EHBP1: variants seen among roughly 807,000 people sequenced by gnomAD.
The protein encoded by EHBP1 is EH domain binding protein 1, also known as EH domain-binding protein 1.
A neutral mutation model predicts 144.0 loss-of-function variants in EHBP1; 55 were observed. That is an observed-to-expected ratio of 0.38 (90% CI 0.31 to 0.48). EHBP1 has a LOEUF of 0.48. EHBP1 is among the 20% of genes least tolerant of loss of function. The pLI is 0.98. For synonymous variants in EHBP1, 469 were observed against 472.7 expected (o/e 0.99, Z 0.10); for missense variants, 1,200 against 1,364.2 (o/e 0.88, Z 1.90).
chr2:62,910,496 G>A (rs1402191099), intron 10 of EHBP1, among the ~76,000 whole-genome samples: 1 of 151,818 alleles, frequency 6.6e-6, no homozygotes, highest in African/African-American at 2.4e-5. Context: ...CTTCCTTTCT[G>A]GCAGGTGTTG....
intron 20 of EHBP1, 118 bp from the exon 21 acceptor site, chr2:63,038,625 C>G (rs1225446454): frequency 9.6e-6 from 8 of 837,338 alleles, no homozygotes; most frequent in African/African-American, 1.7e-5. Context: ...TTTGGAGTGG[C>G]TTAAACTTAA....
chr2:62,742,341 C>T (rs1018147362), intron 2 of EHBP1, among the ~76,000 whole-genome samples: 1 of 152,002 alleles, frequency 6.6e-6, no homozygotes. Flanking sequence ...TGTTGGGGCT[C>T]CTGGAACCAA....
At chr2:62,851,062 A>G (rs1221534214) in intron 7 of EHBP1, among the ~76,000 whole-genome samples, 1 of 152,188 alleles carries the variant, frequency 6.6e-6, no homozygotes, top group Non-Finnish European at 1.5e-5. Context: ...CAAATTAATC[A>G]TCAAATCTTC....
chr2:62,866,985 A>G (rs1014512673), intron 9 of EHBP1, among the ~76,000 whole-genome samples: 2 of 152,168 alleles, frequency 1.3e-5, no homozygotes, highest in African/African-American at 4.8e-5. Flanking sequence ...GACTGAAGGA[A>G]AAGTATAACA....
chr2:62,909,444 A>G (rs1399450013), intron 10 of EHBP1, among the ~76,000 whole-genome samples: 1 of 152,174 alleles, frequency 6.6e-6, no homozygotes, highest in Non-Finnish European at 1.5e-5. Flanking sequence ...TGGCCTTCCA[A>G]AGTGCTGGGA....
At chr2:62,873,071 T>C (rs1160819375) in intron 9 of EHBP1, among the ~76,000 whole-genome samples, 2 of 152,172 alleles carry the variant, frequency 1.3e-5, no homozygotes, top group Non-Finnish European at 2.9e-5. Context: ...AATGCAAGTG[T>C]TAAACGCTCT....
chr2:62,813,148 C>T (rs749601940), intron 5 of EHBP1, among the ~76,000 whole-genome samples: 3 of 152,186 alleles, frequency 2.0e-5, no homozygotes, highest in Non-Finnish European at 4.4e-5. Context: ...CCCAGGGCCA[C>T]CTCAGTATTC....
At chr2:62,804,386 C>T (rs2044282301) in intron 5 of EHBP1, among the ~76,000 whole-genome samples, 1 of 152,158 alleles carries the variant, frequency 6.6e-6, no homozygotes, top group Admixed American at 6.5e-5. Context: ...GTAAATGGTA[C>T]TGGGACTATT....
intron 19 of EHBP1, among the ~76,000 whole-genome samples, chr2:63,003,096 G>A (rs2059911341): frequency 6.6e-6 from 1 of 151,838 alleles, no homozygotes. Context: ...TTATAAGTTT[G>A]GTAAGATATA....
intron 6 of EHBP1, among the ~76,000 whole-genome samples, chr2:62,827,691 A>G (rs1302706744): frequency 2.0e-5 from 3 of 151,406 alleles, no homozygotes; most frequent in Admixed American, 6.6e-5. Flanking sequence ...TTTTTGAGAC[A>G]GAGTCTCGCT....
chr2:62,938,007 C>G (rs2056495999), intron 10 of EHBP1, among the ~76,000 whole-genome samples: 1 of 151,956 alleles, frequency 6.6e-6, no homozygotes, highest in Non-Finnish European at 1.5e-5. Flanking sequence ...AAAAACCTTA[C>G]AAAATATGAG....
At chr2:62,894,254 G>T (rs1254975826) in intron 10 of EHBP1, among the ~76,000 whole-genome samples, 1 of 152,164 alleles carries the variant, frequency 6.6e-6, no homozygotes, top group East Asian at 1.9e-4. Context: ...TAAACAAAAA[G>T]TATGGTACAT....
At chr2:62,756,494 C>T (rs920332212) in intron 3 of EHBP1, among the ~76,000 whole-genome samples, 1 of 152,046 alleles carries the variant, frequency 6.6e-6, no homozygotes. Flanking sequence ...TTAGGCTGCG[C>T]GTGTTGGCTC....
At chr2:62,858,282 C>T in intron 7 of EHBP1, 1 of 578,576 alleles carries the variant, frequency 1.7e-6, no homozygotes. Flanking sequence ...ATAACATCCA[C>T]CGAATGTATT....
intron 10 of EHBP1, among the ~76,000 whole-genome samples, chr2:62,882,071 G>T (rs940718409): frequency 6.6e-6 from 1 of 152,190 alleles, no homozygotes; most frequent in African/African-American, 2.4e-5. Flanking sequence ...TTGAAGTTCA[G>T]TAGTTTCTTT....
At chr2:62,826,472 G>A (rs28472563) in intron 6 of EHBP1, 16 of 434,584 alleles carry the variant, frequency 3.7e-5, no homozygotes, top group African/African-American at 1.8e-4. Flanking sequence ...TAATATAAAC[G>A]TGAGCACAGC....
At chr2:62,809,338 T>C (rs1424973144) in intron 5 of EHBP1, among the ~76,000 whole-genome samples, 3 of 145,640 alleles carry the variant, frequency 2.1e-5, no homozygotes, top group African/African-American at 7.7e-5. Context: ...AGTACCCTTG[T>C]GTTTTAAAAT....
intron 5 of EHBP1, among the ~76,000 whole-genome samples, chr2:62,804,157 G>C (rs2044263966): frequency 6.6e-6 from 1 of 152,124 alleles, no homozygotes; most frequent in Admixed American, 6.6e-5. Flanking sequence ...AAATAGTTTG[G>C]CACAATTTTA....
intron 6 of EHBP1, among the ~76,000 whole-genome samples, chr2:62,830,133 C>CAT (rs145432325): frequency 0.04 from 5,266 of 131,910 alleles, 137 homozygotes; most frequent in South Asian, 0.068. Context: ...ATATGTGGTG[C>CAT]ATATATATAT....
Sources: allele counts gnomAD v4.1 joint callset (sites outside exome capture counted in the v4.1 genomes callset), GRCh38; gene constraint gnomAD v4.1.1; transcripts MANE v1.5; gene names NCBI Gene and HGNC (gene_info 2026-07-23, HGNC 2026-07-21).